The following ANKRD18A variants were observed in gnomAD, a reference collection of about 807,000 sequenced individuals.
The protein encoded by ANKRD18A is ankyrin repeat domain-containing protein 18A.
Under a neutral mutation model 110.6 loss-of-function variants are expected in ANKRD18A, and 72 were observed. The ratio of observed to expected loss-of-function variants is 0.65; its 90% confidence interval spans 0.54 to 0.79. The LOEUF (loss-of-function observed/expected upper bound fraction) is 0.79, where lower values mean the gene tolerates loss of function less well. Ranked by LOEUF, ANKRD18A falls within the 30% of genes least tolerant of loss-of-function variation. The pLI is 0.00. For missense variants in ANKRD18A, 934 were observed against 1,163.3 expected (o/e 0.80, Z 2.87); for synonymous variants, 305 against 410.3 (o/e 0.74, Z 3.10).
chr9:38,574,463 C>T (rs571328402), intron 15 of ANKRD18A, among the ~76,000 whole-genome samples: 1 of 152,172 alleles, frequency 6.6e-6, no homozygotes, highest in East Asian at 1.9e-4. Flanking sequence ...ATTACAGGTG[C>T]CTGCCACCAC....
intron 1 of ANKRD18A, among the ~76,000 whole-genome samples, chr9:38,617,981 G>T (rs1330370139): frequency 2.6e-5 from 4 of 151,946 alleles, no homozygotes; most frequent in Non-Finnish European, 5.9e-5. Flanking sequence ...ATCATTGTTT[G>T]CCTATATGTA....
chr9:38,588,753 T>C (rs1448727601), intron 10 of ANKRD18A, 90 bp from the exon 11 acceptor site: 1 of 935,238 alleles, frequency 1.1e-6, no homozygotes, highest in Non-Finnish European at 1.4e-6. Context: ...TGATGAATAA[T>C]ATGTATTTAG....
intron 5 of ANKRD18A, among the ~76,000 whole-genome samples, 187 bp downstream of exon 5, chr9:38,610,086 C>T (rs1392120440): frequency 6.6e-6 from 1 of 152,174 alleles, no homozygotes; most frequent in African/African-American, 2.4e-5. Flanking sequence ...AAGAATCTTG[C>T]ACTCATTGCT....
Position 38,595,665 on chromosome 9 carries a change from G to C in ANKRD18A, c.1675C>G (p.Gln559Glu). The part of the protein sequence containing the change: ...QELENLLLER[Q>E]LEDARKEGDN... ...CCTTCCTTACGAGCATCCTCTAGTT[G>C]TCGTTCAAGCAAGAGATTTTCAAGT... Residue 559 changes from glutamine (Q) to glutamate (E), a missense_variant, in exon 9 of 16, where the codon CAA (glutamine) becomes GAA (glutamate). Physicochemically the swap from Gln to Glu is conservative, Grantham distance 29 (BLOSUM62 2). Coordinates refer to ENST00000399703, the MANE Select transcript of ANKRD18A (RefSeq NM_147195.4). 6.4e-7 allele frequency: 1 copy of C among 1,550,976 alleles called. No homozygotes were observed. The highest frequency in any genetic ancestry group is 8.7e-7 in the Non-Finnish European group (1 of 1,146,610).
At chr9:38,605,977 A>T (rs1825335486) in intron 6 of ANKRD18A, among the ~76,000 whole-genome samples, 1 of 152,200 alleles carries the variant, frequency 6.6e-6, no homozygotes, top group Admixed American at 6.5e-5. Flanking sequence ...ACATAAAAAA[A>T]CACAGCTTGT....
In ANKRD18A at chr9:38,620,252, C is replaced by T. The variant is rs549510583; in HGVS notation, c.34G>A (p.Gly12Ser). ...RKLFSFGRRL[G>S]QALLSSMDQE... ...TCCATGGAGCTCAGGAGCGCCTGGC[C>T]CAGGCGTCTCCCGAAGCTGAAGAGC... is the stretch of plus-strand genomic sequence containing the variant. Residue 12 changes from glycine (G) to serine (S), a missense_variant, in exon 1 of 16, where the codon GGC (glycine) becomes AGC (serine). Gly to Ser is a moderately conservative substitution (Grantham distance 56). Transcript: ENST00000399703. The T allele has an allele frequency of 1.3e-6, 2 of 1,551,168 alleles. No individual in the cohort carries two copies. The highest frequency in any genetic ancestry group is 1.4e-5 in the African/African-American group (1 of 73,008).
At chr9:38,605,859 C>T (rs1046929066) in intron 6 of ANKRD18A, among the ~76,000 whole-genome samples, 2 of 152,146 alleles carry the variant, frequency 1.3e-5, no homozygotes, top group African/African-American at 2.4e-5. Flanking sequence ...AGTGATCTGC[C>T]TTCCTTGGTC....
intron 5 of ANKRD18A, among the ~76,000 whole-genome samples, chr9:38,609,940 CAAAAA>C (rs1312973805): frequency 1.1e-5 from 1 of 91,116 alleles, no homozygotes; most frequent in African/African-American, 4.4e-5. Flanking sequence ...GACCTTGTCT[CAAAAA>C]AAAAAAAAAA....
At chr9:38,616,697 C>T (rs927249780) in intron 1 of ANKRD18A, among the ~76,000 whole-genome samples, 7 of 152,180 alleles carry the variant, frequency 4.6e-5, no homozygotes, top group African/African-American at 1.7e-4. Context: ...ATCATGGGAA[C>T]TTCCCACCTC....
At chr9:38,612,949 G>T (rs995390407) in intron 3 of ANKRD18A, among the ~76,000 whole-genome samples, 4 of 150,028 alleles carry the variant, frequency 2.7e-5, no homozygotes, top group Admixed American at 2.7e-4. Flanking sequence ...GACTATTTGT[G>T]GTATAGATAT....
chr9:38,594,559 TACC>T (rs886222023), intron 9 of ANKRD18A, among the ~76,000 whole-genome samples: 3 of 152,220 alleles, frequency 2.0e-5, no homozygotes, highest in African/African-American at 7.2e-5. Flanking sequence ...TGCTAAAATT[TACC>T]ACATTTATTC....
chr9:38,596,220 T>C lies in ANKRD18A; in HGVS notation c.1120A>G (p.Arg374Gly). 1 of 1,538,298 alleles carries C rather than the reference T, an allele frequency of 6.5e-7. No individual in the cohort carries two copies. Among genetic ancestry groups the C allele is most frequent in the Non-Finnish European group, 8.7e-7 (1 of 1,143,052 alleles). Reference sequence around the variant, plus strand: ...TTTGTTATCATTTTTTCATTGAGTCTTACACTCTTTTCAAAGTTAGCATTT... The same window carrying C: ...TTTGTTATCATTTTTTCATTGAGTCCTACACTCTTTTCAAAGTTAGCATTT... Reference protein sequence around the residue: ...EINANFEKSVRLNEKMITKTV... With the variant: ...EINANFEKSVGLNEKMITKTV... Residue 374 changes from arginine to glycine, a missense_variant, in exon 9 of 16, where the codon AGA becomes GGA. Arg to Gly is a moderately radical substitution (Grantham distance 125). Transcript: ENST00000399703.
intron 7 of ANKRD18A, 122 bp downstream of exon 7, chr9:38,603,037 G>T: frequency 1.5e-6 from 2 of 1,362,716 alleles, no homozygotes; most frequent in Non-Finnish European, 2.0e-6. Context: ...TGAAAACCTT[G>T]TAATAGACTG....
downstream of ANKRD18A, chr9:38,567,605 CT>C (rs1209824767): frequency 1.1e-4 from 17 of 152,738 alleles, no homozygotes; most frequent in Admixed American, 1.1e-3. Context: ...CTCTCCATGA[CT>C]TTGGTAAGAG....
Position 38,610,417 on chromosome 9 carries a change from T to C in ANKRD18A, c.603-7A>G. ...TGCAAGTATGAGGGCTGTTCTAAAATAATAAAGAAATAACAGCACTCAAGA... is the reference window on the plus strand; with the variant it reads ...TGCAAGTATGAGGGCTGTTCTAAAACAATAAAGAAATAACAGCACTCAAGA... On this transcript the variant is annotated splice_region_variant and splice_polypyrimidine_tract_variant and intron_variant, in intron 4 of 15. Coordinates refer to ENST00000399703, the MANE Select transcript of ANKRD18A (RefSeq NM_147195.4). The C allele has an allele frequency of 6.5e-7, 1 of 1,537,238 alleles. No homozygotes were observed. Among genetic ancestry groups the C allele is most frequent in the Non-Finnish European group, 8.7e-7 (1 of 1,143,068 alleles).
At chr9:38,590,869 C>T (rs1478800038) in intron 10 of ANKRD18A, among the ~76,000 whole-genome samples, 1 of 152,114 alleles carries the variant, frequency 6.6e-6, no homozygotes, top group African/African-American at 2.4e-5. Context: ...TGGTTTAAAG[C>T]TGCCCCTTAT....
intron 15 of ANKRD18A, chr9:38,573,052 C>A: frequency 7.5e-7 from 1 of 1,325,144 alleles, no homozygotes. Context: ...TAAAATAAAC[C>A]TAAATTTAAT....
chr9:38,595,671 C>G lies in ANKRD18A; in HGVS notation c.1669G>C (p.Glu557Gln). 1 of 1,551,230 alleles carries G rather than the reference C, an allele frequency of 6.4e-7. No individual in the cohort carries two copies. The highest frequency in any genetic ancestry group is 1.4e-5 in the African/African-American group (1 of 73,134). Residue 557 changes from glutamate (E) to glutamine (Q), a missense_variant, in exon 9 of 16, where the codon GAA (glutamate) becomes CAA (glutamine). Coordinates refer to ENST00000399703, the MANE Select transcript of ANKRD18A (RefSeq NM_147195.4). Reference sequence around the variant, plus strand: ...TTACGAGCATCCTCTAGTTGTCGTTCAAGCAAGAGATTTTCAAGTTCTTGT... The same window carrying G: ...TTACGAGCATCCTCTAGTTGTCGTTGAAGCAAGAGATTTTCAAGTTCTTGT... ...RQQELENLLL[E>Q]RQLEDARKEG...
rs183456162 is a variant in ANKRD18A, at chr9:38,575,698, T to G, written c.2742A>C (p.Lys914Asn). 2.2e-4 allele frequency: 341 copies of G among 1,549,270 alleles called. 3 individuals are homozygous for G. In the African/African-American group the frequency reaches 3.7e-3, roughly 17 times the overall value. The stretch of plus-strand genomic sequence containing the variant: ...TGATCACTGCTATTTTCTTATCCGA[T>G]CTGTAAAGAGAGCAAAGACAAATGC... ...ANNSMSKKLM[K>N]SDKKIAVIST... The change falls in exon 15 of 16, where the codon AAA becomes AAC. Residue 914 changes from lysine (K) to asparagine (N), a missense_variant and splice_region_variant. Transcript: ENST00000399703.
Sources: gnomAD v4.1 joint callset for allele counts (sites outside exome capture counted in the v4.1 genomes callset) on GRCh38, gnomAD v4.1.1 for gene constraint, MANE v1.5 for transcripts, NCBI Gene and HGNC (gene_info 2026-07-23, HGNC 2026-07-21) for gene names.